GPM6A: variants seen among roughly 807,000 people sequenced by gnomAD.
GPM6A encodes glycoprotein M6A.
In GPM6A, 7 loss-of-function variants were observed where a neutral mutation model predicts 32.1. The ratio of observed to expected loss-of-function variants is 0.22; its 90% confidence interval spans 0.12 to 0.41. The LOEUF is 0.41. Ranked by LOEUF, GPM6A falls within the 10% of genes least tolerant of loss-of-function variation. The pLI is 1.00. For synonymous variants in GPM6A, 130 were observed against 123.4 expected, an observed-to-expected ratio of 1.05 and a Z score of -0.35; for missense variants, 235 against 347.2, an observed-to-expected ratio of 0.68 and a Z score of 2.57.
intron 1 of GPM6A, among the ~76,000 whole-genome samples, chr4:175,929,293 A>C (rs1738948428): frequency 6.6e-6 from 1 of 152,196 alleles, no homozygotes; most frequent in African/African-American, 2.4e-5. Context: ...CACCTATCTC[A>C]GTCAAAATAT....
chr4:175,851,484 CAAAAA>C (rs564843754), intron 1 of GPM6A, among the ~76,000 whole-genome samples: 1 of 54,090 alleles, frequency 1.8e-5, no homozygotes, highest in Non-Finnish European at 3.9e-5. Context: ...GACTCCGTCT[CAAAAA>C]AAAAAAAAAA....
chr4:175,678,800 A>G (rs112911612), intron 2 of GPM6A, among the ~76,000 whole-genome samples: 2,143 of 152,312 alleles, frequency 0.014, 48 homozygotes, highest in South Asian at 0.1. Flanking sequence ...CTTTTGGTGA[A>G]AATGGCATGT....
At chr4:175,953,361 G>A (rs1051097050) in intron 1 of GPM6A, among the ~76,000 whole-genome samples, 8 of 151,982 alleles carry the variant, frequency 5.3e-5, no homozygotes, top group African/African-American at 1.4e-4. Context: ...AAATGACTCC[G>A]GAAATAGCAT....
intron 1 of GPM6A, among the ~76,000 whole-genome samples, chr4:175,739,121 G>A (rs76669356): frequency 6.6e-6 from 1 of 152,126 alleles, no homozygotes. Context: ...TTGAATAGAA[G>A]ATACTTTATT....
intron 1 of GPM6A, among the ~76,000 whole-genome samples, chr4:175,839,975 C>T (rs1735886781): frequency 6.6e-6 from 1 of 152,112 alleles, no homozygotes; most frequent in South Asian, 2.1e-4. Context: ...ACCAATGTAA[C>T]TTACGTCTAA....
chr4:176,000,385 T>C (rs1307588878), intron 1 of GPM6A, among the ~76,000 whole-genome samples: 1 of 152,100 alleles, frequency 6.6e-6, no homozygotes, highest in Non-Finnish European at 1.5e-5. Flanking sequence ...CTCCACACCA[T>C]CCCCCACAAC....
intron 6 of GPM6A, among the ~76,000 whole-genome samples, chr4:175,639,064 G>A (rs4690558): frequency 0.35 from 50,583 of 143,948 alleles, 10,248 homozygotes; most frequent in Non-Finnish European, 0.47. Flanking sequence ...CTATATAGAG[G>A]TCACTGTATC....
intron 4 of GPM6A, among the ~76,000 whole-genome samples, chr4:175,647,875 A>G (rs1741554430): frequency 6.6e-6 from 1 of 152,148 alleles, no homozygotes; most frequent in Non-Finnish European, 1.5e-5. Context: ...GGGCAAATAA[A>G]TGCTATACAG....
intron 3 of GPM6A, among the ~76,000 whole-genome samples, chr4:175,654,728 C>T (rs1741986775): frequency 6.6e-6 from 1 of 151,970 alleles, no homozygotes; most frequent in Admixed American, 6.6e-5. Context: ...AAAAGAACAC[C>T]TTTGGGGGAA....
chr4:175,637,761 TAAAA>T (rs1226265812), intron 6 of GPM6A, among the ~76,000 whole-genome samples: 13 of 86,094 alleles, frequency 1.5e-4, no homozygotes, highest in African/African-American at 6.0e-4. Context: ...ATATATAATA[TAAAA>T]ATATATAATC....
chr4:175,632,987 ACT>A lies in GPM6A; in HGVS notation c.*1916_*1917del, dbSNP rs1391542341. The A allele has an allele frequency of 6.6e-6, 1 of 152,406 alleles. No individual in the cohort carries two copies. The highest frequency in any genetic ancestry group is 1.5e-5 in the Non-Finnish European group (1 of 67,924). 9.4% of individuals were successfully genotyped at this position (152,406 alleles called of 1,614,324 possible). ...AGTGTATTTATTACATTTTGCAAGCACTCTGTTCTACATTTCAAAAACGCCAC... is the reference window on the plus strand; with the variant it reads ...AGTGTATTTATTACATTTTGCAAGCACTGTTCTACATTTCAAAAACGCCAC... On this transcript the variant is annotated 3_prime_UTR_variant, in exon 7 of 7. Transcript: ENST00000393658.
At chr4:175,644,192 C>T (rs578087094) in intron 4 of GPM6A, among the ~76,000 whole-genome samples, 21 of 140,362 alleles carry the variant, frequency 1.5e-4, no homozygotes, top group Non-Finnish European at 2.9e-4. Flanking sequence ...GGCGCTATCT[C>T]GGCTCACTGC....
chr4:175,875,773 A>G (rs973663447), intron 1 of GPM6A, among the ~76,000 whole-genome samples: 1 of 152,092 alleles, frequency 6.6e-6, no homozygotes, highest in Non-Finnish European at 1.5e-5. Context: ...ATCATTCTAA[A>G]TCCTTCCTTG....
chr4:175,806,959 T>C (rs945713254), intron 1 of GPM6A: 4 of 152,222 alleles, frequency 2.6e-5, no homozygotes, highest in African/African-American at 9.6e-5. Context: ...TAAAATCAGT[T>C]CCCTTTTCAT....
chr4:175,750,544 T>C (rs1359369323), intron 1 of GPM6A, among the ~76,000 whole-genome samples: 1 of 151,878 alleles, frequency 6.6e-6, no homozygotes, highest in Non-Finnish European at 1.5e-5. Flanking sequence ...AGTGTATGTA[T>C]ATTAAGAGTT....
At chr4:175,817,700 AAG>A (rs1295712981) in intron 1 of GPM6A, among the ~76,000 whole-genome samples, 1 of 152,218 alleles carries the variant, frequency 6.6e-6, no homozygotes, top group Admixed American at 6.5e-5. Flanking sequence ...GAACAGTTGA[AAG>A]AGAATACATG....
intron 1 of GPM6A, among the ~76,000 whole-genome samples, chr4:176,000,915 TC>T (rs1741456255): frequency 6.6e-6 from 1 of 152,200 alleles, no homozygotes; most frequent in Non-Finnish European, 1.5e-5. Context: ...TCCTTCCTTT[TC>T]AGAAAACATT....
intron 3 of GPM6A, among the ~76,000 whole-genome samples, chr4:175,660,135 C>T (rs1243737864): frequency 6.6e-6 from 1 of 151,954 alleles, no homozygotes; most frequent in Non-Finnish European, 1.5e-5. Context: ...TGCGATGGTT[C>T]ACACCTGTAA....
intron 1 of GPM6A, among the ~76,000 whole-genome samples, chr4:175,746,204 T>C (rs141300206): frequency 0.011 from 1,662 of 152,066 alleles, 15 homozygotes; most frequent in Middle Eastern, 0.017. Context: ...CATTCTAGAT[T>C]GCTAAAAGGG....
Sources: allele counts gnomAD v4.1 joint callset (sites outside exome capture counted in the v4.1 genomes callset), GRCh38; gene constraint gnomAD v4.1.1; transcripts MANE v1.5; gene names NCBI Gene and HGNC (gene_info 2026-07-23, HGNC 2026-07-21).